The following WDR89 variants were observed in gnomAD, a reference collection of about 807,000 sequenced individuals.
WDR89 encodes WD repeat domain 89, also known as WD repeat-containing protein 89.
In WDR89, 17 loss-of-function variants were observed where a neutral mutation model predicts 29.1. The observed-to-expected ratio is 0.58, with a 90% CI of 0.40 to 0.88. The LOEUF is 0.88. Among genes scored for constraint, WDR89 ranks in the 40% least tolerant of loss-of-function variants. The pLI is 0.00. For synonymous variants in WDR89, 138 were observed against 157.8 expected (o/e 0.87, Z 0.94); for missense variants, 396 against 456.3 (o/e 0.87, Z 1.20).
chr14:63,638,373 G>C (rs748443993), intron 1 of WDR89, among the ~76,000 whole-genome samples: 1 of 152,216 alleles, frequency 6.6e-6, no homozygotes, highest in Non-Finnish European at 1.5e-5. Flanking sequence ...CATCAGTTGA[G>C]CCCAAGAGTT....
intron 2 of WDR89, among the ~76,000 whole-genome samples, chr14:63,623,656 C>T (rs1595032130): frequency 7.5e-6 from 1 of 133,154 alleles, no homozygotes; most frequent in African/African-American, 2.9e-5. Context: ...GTGAGCTGAG[C>T]TCACACCACT....
chr14:63,613,274 A>G (rs1882101296), intron 2 of WDR89, among the ~76,000 whole-genome samples: 1 of 152,114 alleles, frequency 6.6e-6, no homozygotes, highest in African/African-American at 2.4e-5. Context: ...TAAAACTCCA[A>G]ATCTGCTTGC....
chr14:63,629,421 T>G (rs1399570601), intron 1 of WDR89, among the ~76,000 whole-genome samples: 1 of 152,200 alleles, frequency 6.6e-6, no homozygotes, highest in Non-Finnish European at 1.5e-5. Context: ...TTCATTAGTT[T>G]CTCTCTTCAA....
At chr14:63,634,605 C>A (rs1300591941) in intron 1 of WDR89, among the ~76,000 whole-genome samples, 1 of 152,082 alleles carries the variant, frequency 6.6e-6, no homozygotes, top group Non-Finnish European at 1.5e-5. Context: ...CACAGTGGCT[C>A]ACGCCTGTAA....
At chr14:63,639,049 G>T (rs1030470613) in intron 1 of WDR89, among the ~76,000 whole-genome samples, 1 of 152,154 alleles carries the variant, frequency 6.6e-6, no homozygotes, top group Non-Finnish European at 1.5e-5. Flanking sequence ...TATGATGATA[G>T]CATGATGTCC....
intron 1 of WDR89, among the ~76,000 whole-genome samples, chr14:63,626,955 C>T (rs746725199): frequency 6.6e-6 from 1 of 151,282 alleles, no homozygotes; most frequent in Non-Finnish European, 1.5e-5. Context: ...CCCGTCCTTA[C>T]AAAAAAAATA....
chr14:63,611,412 G>C (rs994958059), intron 2 of WDR89, among the ~76,000 whole-genome samples: 1 of 151,472 alleles, frequency 6.6e-6, no homozygotes, highest in Non-Finnish European at 1.5e-5. Context: ...ACAGATTGGG[G>C]GAGATCATGA....
At chr14:63,603,378 T>C (rs997093720) in intron 2 of WDR89, among the ~76,000 whole-genome samples, 1 of 152,170 alleles carries the variant, frequency 6.6e-6, no homozygotes, top group Non-Finnish European at 1.5e-5. Context: ...ACAGCATCTC[T>C]CCAACCTTCT....
intron 2 of WDR89, among the ~76,000 whole-genome samples, chr14:63,621,157 T>C (rs997291838): frequency 2.0e-5 from 3 of 152,144 alleles, no homozygotes; most frequent in African/African-American, 7.2e-5. Flanking sequence ...GAATGTAAAA[T>C]GTAGCAGCCT....
chr14:63,636,914 T>G (rs1322469134), intron 1 of WDR89, among the ~76,000 whole-genome samples: 1 of 152,116 alleles, frequency 6.6e-6, no homozygotes, highest in Non-Finnish European at 1.5e-5. Context: ...GATAAATAGC[T>G]GGGACATAAT....
At chr14:63,608,398 A>G (rs73280672) in intron 2 of WDR89, among the ~76,000 whole-genome samples, 14,377 of 152,032 alleles carry the variant, frequency 0.095, 1,357 homozygotes, top group African/African-American at 0.24. Flanking sequence ...AAATAAATCA[A>G]TAAAAAATAA....
chr14:63,616,665 G>A (rs1394650877), intron 2 of WDR89, among the ~76,000 whole-genome samples: 1 of 152,126 alleles, frequency 6.6e-6, no homozygotes, highest in African/African-American at 2.4e-5. Flanking sequence ...AAAGAAAGAA[G>A]GGTGTAGAAA....
chr14:63,601,229 T>C (rs748536737), intron 2 of WDR89, among the ~76,000 whole-genome samples: 2 of 152,020 alleles, frequency 1.3e-5, no homozygotes, highest in East Asian at 3.9e-4. Flanking sequence ...TAATTTGTTA[T>C]AGCAGCAATA....
chr14:63,634,910 T>C (rs1196101878), intron 1 of WDR89, among the ~76,000 whole-genome samples: 1 of 148,974 alleles, frequency 6.7e-6, no homozygotes, highest in African/African-American at 2.5e-5. Context: ...TGGTGGTGCG[T>C]GCCTGTAGTC....
intron 2 of WDR89, among the ~76,000 whole-genome samples, chr14:63,604,929 C>T (rs1895238937): frequency 6.6e-6 from 1 of 152,110 alleles, no homozygotes; most frequent in Non-Finnish European, 1.5e-5. Context: ...AGGCAGATCA[C>T]TTTAGCCTAG....
intron 1 of WDR89, among the ~76,000 whole-genome samples, chr14:63,638,090 A>G (rs58485817): frequency 0.16 from 23,845 of 151,944 alleles, 3,551 homozygotes; most frequent in African/African-American, 0.4. Flanking sequence ...GACTACAGGC[A>G]CGCACCATCA....
intron 2 of WDR89, among the ~76,000 whole-genome samples, chr14:63,607,887 AAAAAAAAAAAG>A (rs1305362142): frequency 4.0e-5 from 6 of 150,354 alleles, no homozygotes; most frequent in African/African-American, 1.5e-4. Context: ...GACTCAAAAA[AAAAAAAAAAAG>A]AAAAGAAAAA....
chr14:63,632,383 C>T (rs1883463302), intron 1 of WDR89, among the ~76,000 whole-genome samples: 1 of 152,026 alleles, frequency 6.6e-6, no homozygotes, highest in Non-Finnish European at 1.5e-5. Context: ...CTTATCCCAG[C>T]ACCTTGGGAG....
rs930580997 is a variant in WDR89, at chr14:63,598,374, A to T, written c.*405T>A. The stretch of plus-strand genomic sequence containing the variant: ...ACATATAGATGCTCCTCAGATGAAG[A>T]ATATAGTCTAATCTGGTTTTATACA... On this transcript the variant is annotated 3_prime_UTR_variant, in exon 3 of 3. Coordinates refer to ENST00000620954, the MANE Select transcript of WDR89 (RefSeq NM_080666.4). The T allele has an allele frequency of 1.4e-4, 22 of 155,700 alleles. No homozygotes were observed. Among genetic ancestry groups the T allele is most frequent in the Non-Finnish European group, 2.8e-5 (2 of 70,642 alleles). The allele number at this position is 155,700 out of a possible 1,614,324, so 9.6% of individuals were successfully genotyped here.
Sources: allele counts gnomAD v4.1 joint callset (sites outside exome capture counted in the v4.1 genomes callset), GRCh38; gene constraint gnomAD v4.1.1; transcripts MANE v1.5; gene names NCBI Gene and HGNC (gene_info 2026-07-23, HGNC 2026-07-21).